The following DIAPH1 variants were observed in gnomAD, a reference collection of about 807,000 sequenced individuals.
DIAPH1 encodes protein diaphanous homolog 1.
Under a neutral mutation model 140.7 loss-of-function variants are expected in DIAPH1, and 46 were observed. That is an observed-to-expected ratio of 0.33 (90% CI 0.26 to 0.42). The LOEUF is 0.42. DIAPH1 is among the 10% of genes least tolerant of loss of function. The probability of loss-of-function intolerance (pLI) is 1.00; values close to 1 mark genes in which losing one functional copy is unlikely to be tolerated. For missense variants in DIAPH1, 1,310 were observed against 1,558.7 expected (o/e 0.84, Z 2.69); for synonymous variants, 565 against 551.6 (o/e 1.02, Z -0.34).
At chr5:141,572,493 A>G (rs190014446) in intron 16 of DIAPH1, among the ~76,000 whole-genome samples, 4 of 152,260 alleles carry the variant, frequency 2.6e-5, no homozygotes, top group Admixed American at 2.6e-4. Context: ...TGGGAACAAT[A>G]CTGTGCATGC....
At chr5:141,573,065 A>C (rs1316102150) in intron 16 of DIAPH1, among the ~76,000 whole-genome samples, 2 of 152,240 alleles carry the variant, frequency 1.3e-5, no homozygotes, top group Non-Finnish European at 2.9e-5. Flanking sequence ...TGAAGCTTAA[A>C]GATAGAAAGA....
intron 1 of DIAPH1, among the ~76,000 whole-genome samples, chr5:141,612,261 T>C (rs1252324367): frequency 6.6e-6 from 1 of 152,204 alleles, no homozygotes; most frequent in East Asian, 1.9e-4. Context: ...AATTTCTCAA[T>C]TAAGCATAGA....
At chr5:141,551,050 G>A (rs2099891606) in intron 18 of DIAPH1, among the ~76,000 whole-genome samples, 1 of 152,198 alleles carries the variant, frequency 6.6e-6, no homozygotes, top group Non-Finnish European at 1.5e-5. Flanking sequence ...ACATTATTGT[G>A]ACAATTGGTA....
intron 14 of DIAPH1, 66 bp from the exon 15 acceptor site, chr5:141,575,212 A>G (rs1318987099): frequency 6.4e-7 from 1 of 1,552,192 alleles, no homozygotes; most frequent in African/African-American, 1.4e-5. Context: ...AAGTATTATT[A>G]CCCATAATTC....
chr5:141,516,701 T>A lies in DIAPH1; in HGVS notation c.*150A>T. The A allele has an allele frequency of 4.7e-6, 4 of 858,186 alleles. No individual in the cohort carries two copies. In the South Asian group the frequency reaches 5.9e-5, roughly 13 times the overall value. 53.2% of individuals were successfully genotyped at this position (858,186 alleles called of 1,614,324 possible). On this transcript the variant is annotated 3_prime_UTR_variant, in exon 28 of 28. Transcript: ENST00000389054. ...AGGCAGCTGAAGCTGTATGTGATGT[T>A]GAGAGAGCAGCAGGCCAGAGAGAAA...
chr5:141,577,911 C>T (rs1173574779), intron 11 of DIAPH1: 3 of 510,088 alleles, frequency 5.9e-6, no homozygotes, highest in East Asian at 7.4e-5. Flanking sequence ...ATTACTCCCT[C>T]TGTCAGTCCA....
At chr5:141,532,993 A>G in intron 19 of DIAPH1, among the ~76,000 whole-genome samples, 1 of 152,332 alleles carries the variant, frequency 6.6e-6, no homozygotes, top group Middle Eastern at 3.4e-3. Flanking sequence ...GTTATTGACA[A>G]TAATTTAAGA....
chr5:141,523,955 C>T (rs2099886928), intron 27 of DIAPH1, among the ~76,000 whole-genome samples, 188 bp downstream of exon 27: 1 of 151,724 alleles, frequency 6.6e-6, no homozygotes, highest in African/African-American at 2.4e-5. Context: ...ATTGCCAGTC[C>T]CTTAAACCCC....
At position 141,573,485 on chromosome 5, in the gene DIAPH1, C is replaced by G. The variant is rs2154596259; in HGVS notation, c.2358+7G>C. On this transcript the variant is annotated splice_region_variant and intron_variant, in intron 16 of 27. Transcript: ENST00000389054. ...TGACTGGTGAAGAAATAGACAGAAA[C>G]TCTTACCTTGGACCAGTTTGGCCTC... The G allele has an allele frequency of 7.5e-7, 1 of 1,327,498 alleles. No individual in the cohort carries two copies. The highest frequency in any genetic ancestry group is 1.1e-6 in the Non-Finnish European group (1 of 949,144). 82.2% of individuals were successfully genotyped at this position (1,327,498 alleles called of 1,614,324 possible).
chr5:141,588,422 A>T (rs1161142246), intron 1 of DIAPH1, among the ~76,000 whole-genome samples, 172 bp from the exon 2 acceptor site: 3 of 151,702 alleles, frequency 2.0e-5, no homozygotes, highest in African/African-American at 7.3e-5. Flanking sequence ...CATTCCCTCA[A>T]GTAAGGGGCA....
rs1015875467 is a variant in DIAPH1, at chr5:141,611,098, GA to G, written c.117+7699del. On this transcript the variant is annotated intron_variant, in intron 1 of 27. Transcript: ENST00000389054. ...AGAGTGAGACTCTGCCTCAAAAAAA[GA>G]AAAAAAGAAAAGAAAAGAAAAGAAA... Among the ~76,000 whole-genome samples, 42 of 150,884 alleles carry G rather than the reference GA, an allele frequency of 2.8e-4. 1 individual carries two copies. Among genetic ancestry groups the G allele is most frequent in the South Asian group, 1.3e-3 (6 of 4,786 alleles).
intron 8 of DIAPH1, 74 bp from the exon 9 acceptor site, chr5:141,579,270 CA>C: frequency 9.4e-7 from 1 of 1,058,330 alleles, no homozygotes. Flanking sequence ...GTAAATTACA[CA>C]GGGGCACAGA....
chr5:141,564,477 TAA>T (rs1249122135), intron 18 of DIAPH1: 1 of 152,244 alleles, frequency 6.6e-6, no homozygotes. Flanking sequence ...AATTAAAACT[TAA>T]TTCCTTTACC....
At chr5:141,533,251 T>C (rs2099888518) in intron 19 of DIAPH1, among the ~76,000 whole-genome samples, 1 of 152,200 alleles carries the variant, frequency 6.6e-6, no homozygotes, top group African/African-American at 2.4e-5. Flanking sequence ...CTGAAATATT[T>C]GTCAAATAAA....
intron 15 of DIAPH1, among the ~76,000 whole-genome samples, chr5:141,574,513 A>C (rs954224994): frequency 2.6e-5 from 4 of 152,250 alleles, no homozygotes; most frequent in Non-Finnish European, 4.4e-5. Flanking sequence ...TTCTAGTTAT[A>C]TAACTAATAT....
At chr5:141,599,468 C>G (rs79191400) in intron 1 of DIAPH1, among the ~76,000 whole-genome samples, 1 of 152,158 alleles carries the variant, frequency 6.6e-6, no homozygotes, top group African/African-American at 2.4e-5. Flanking sequence ...TACACTCTGA[C>G]GATTCTAGGA....
At chr5:141,529,869 A>G (rs1376369617) in intron 19 of DIAPH1, among the ~76,000 whole-genome samples, 172 bp from the exon 20 acceptor site, 1 of 152,058 alleles carries the variant, frequency 6.6e-6, no homozygotes, top group Non-Finnish European at 1.5e-5. Context: ...GGATCGCTTG[A>G]GCCCCAGAGT....
intron 18 of DIAPH1, among the ~76,000 whole-genome samples, chr5:141,545,606 T>C (rs1268284341): frequency 6.6e-6 from 1 of 152,102 alleles, no homozygotes; most frequent in East Asian, 1.9e-4. Context: ...ATTATGCCAC[T>C]GTACTCAGCC....
intron 1 of DIAPH1, among the ~76,000 whole-genome samples, chr5:141,604,307 C>G (rs1328322439): frequency 1.3e-5 from 2 of 152,148 alleles, no homozygotes; most frequent in East Asian, 3.8e-4. Flanking sequence ...TAATGTTAAC[C>G]AATTTTTCCA....
Sources: allele counts gnomAD v4.1 joint callset (sites outside exome capture counted in the v4.1 genomes callset), GRCh38; gene constraint gnomAD v4.1.1; transcripts MANE v1.5; gene names NCBI Gene and HGNC (gene_info 2026-07-23, HGNC 2026-07-21).